ZNF823: variants seen among roughly 807,000 people sequenced by gnomAD.
ZNF823 encodes zinc finger protein 823.
ZNF823 carries 5 observed loss-of-function variants against 11.4 expected under a neutral mutation model. The ratio of observed to expected loss-of-function variants is 0.44; its 90% CI spans 0.23 to 0.92. The LOEUF (loss-of-function observed/expected upper bound fraction) is 0.92, where lower values mean the gene tolerates loss of function less well. Ranked by LOEUF, ZNF823 falls within the 40% of genes least tolerant of loss-of-function variation. The pLI, the probability that ZNF823 is intolerant of heterozygous loss-of-function variation, is 0.24. For missense variants in ZNF823, 582 were observed against 738.5 expected (o/e 0.79, Z 2.46); for synonymous variants, 234 against 250.5 (o/e 0.93, Z 0.62).
intron 1 of ZNF823, among the ~76,000 whole-genome samples, chr19:11,736,700 A>G (rs1250265684): frequency 6.6e-6 from 1 of 152,250 alleles, no homozygotes; most frequent in Non-Finnish European, 1.5e-5. Context: ...AATCTTTTCA[A>G]GATGACAAAT....
chr19:11,738,611 G>A (rs867314139), intron 1 of ZNF823, among the ~76,000 whole-genome samples: 1 of 152,248 alleles, frequency 6.6e-6, no homozygotes. Context: ...GGCCGAGCAG[G>A]GACGGGACAG....
rs1974674602 is a variant in ZNF823 at position 11,721,372 on chromosome 19, T to C, written c.*329A>G. 4.9e-6 allele frequency: 1 copy of C among 203,444 alleles called. No homozygotes were observed. Among genetic ancestry groups the C allele is most frequent in the African/African-American group, 2.3e-5 (1 of 42,980 alleles). 12.6% of individuals were successfully genotyped at this position (203,444 alleles called of 1,614,324 possible). On this transcript the variant is annotated 3_prime_UTR_variant, in exon 4 of 4. Coordinates refer to ENST00000341191, the MANE Select transcript of ZNF823 (RefSeq NM_001080493.4). ...GTAGAGACTATTTTTCTTGTCATGATTCTCTAAACAATACAATCAAACAAC... is the reference window on the plus strand; with the variant it reads ...GTAGAGACTATTTTTCTTGTCATGACTCTCTAAACAATACAATCAAACAAC...
chr19:11,721,955 A>G lies in ZNF823; in HGVS notation c.1579T>C (p.Tyr527His), dbSNP rs1475182044. Reference sequence around the variant, plus strand: ...GCTTTTCCACATTCCTTACATTCATATGGCTTCTCTCCAGAGTGAATCCTT... The same window carrying G: ...GCTTTTCCACATTCCTTACATTCATGTGGCTTCTCTCCAGAGTGAATCCTT... ...HERIHSGEKPYECKECGKAFS... is the reference protein window; with the variant it reads ...HERIHSGEKPHECKECGKAFS... Residue 527 changes from tyrosine to histidine, a missense_variant, in exon 4 of 4, where the codon TAT becomes CAT. Physicochemically the swap from Tyr to His is moderately conservative, Grantham distance 83 (BLOSUM62 2). Transcript: ENST00000341191. 4 of 1,613,986 alleles carry G rather than the reference A, an allele frequency of 2.5e-6. No homozygotes were observed. The highest frequency in any genetic ancestry group is 3.4e-6 in the Non-Finnish European group (4 of 1,180,024).
At chr19:11,729,298 A>T (rs1974852151) in intron 1 of ZNF823, among the ~76,000 whole-genome samples, 1 of 152,214 alleles carries the variant, frequency 6.6e-6, no homozygotes, top group South Asian at 2.1e-4. Context: ...TTCTAGCCCT[A>T]ATCAAAAGAA....
At position 11,723,161 on chromosome 19, in the gene ZNF823, A is replaced by G. The variant is rs761653457; in HGVS notation, c.373T>C (p.Ser125Pro). Reference protein sequence around the residue: ...CNIRVDTGHKSCEHQEYGEKP... With the variant: ...CNIRVDTGHKPCEHQEYGEKP... ...TCTCCATATTCCTGATGCTCACATG[A>G]TTTGTGTCCAGTGTCAACTCTGATG... is the stretch of plus-strand genomic sequence containing the variant. Residue 125 changes from serine to proline, a missense_variant, in exon 4 of 4, where the codon TCA becomes CCA. This residue lies in a region of ZNF823 where 429 missense variants were observed against 553.7 expected (regional missense o/e 0.77). Coordinates refer to ENST00000341191, the MANE Select transcript of ZNF823 (RefSeq NM_001080493.4). 21 of 1,613,968 alleles carry G rather than the reference A, an allele frequency of 1.3e-5. No homozygotes were observed. The highest frequency in any genetic ancestry group is 1.8e-5 in the Non-Finnish European group (21 of 1,180,034).
chr19:11,732,694 A>G (rs757494550), intron 1 of ZNF823, among the ~76,000 whole-genome samples: 39 of 151,858 alleles, frequency 2.6e-4, no homozygotes, highest in Non-Finnish European at 5.0e-4. Flanking sequence ...CGGCCTCCCA[A>G]TGTGCTGGGA....
At chr19:11,728,572 T>C (rs1974837756) in intron 1 of ZNF823, among the ~76,000 whole-genome samples, 1 of 152,172 alleles carries the variant, frequency 6.6e-6, no homozygotes, top group Non-Finnish European at 1.5e-5. Flanking sequence ...CCAAAGCCAG[T>C]ATAGCATTAT....
intron 1 of ZNF823, among the ~76,000 whole-genome samples, chr19:11,733,511 G>A (rs919184502): frequency 1.3e-5 from 2 of 151,906 alleles, no homozygotes; most frequent in Non-Finnish European, 2.9e-5. Flanking sequence ...GATCAGCCTG[G>A]GCAACATGGC....
intron 2 of ZNF823, 119 bp downstream of exon 2, chr19:11,725,082 C>A: frequency 1.5e-6 from 2 of 1,346,672 alleles, no homozygotes; most frequent in Non-Finnish European, 2.0e-6. Flanking sequence ...CACCTCTAAA[C>A]CCTGTGTTGT....
Position 11,727,962 on chromosome 19 carries a change from C to T in ZNF823, c.4-2635G>A, listed in dbSNP as rs867815271. 1.5e-4 allele frequency among the ~76,000 whole-genome samples: 15 copies of T among 99,332 alleles called. No individual in the cohort carries two copies. The South Asian group carries it at 2.0e-3, about 13-fold the overall frequency. 65.2% of individuals were successfully genotyped at this position (99,332 alleles called of 152,430 possible). ...GAGTTCAGTGTCTCGCTGCAAGCTCCGCCTCCTGGGTTCACGCCATTCTCC... is the reference window on the plus strand; with the variant it reads ...GAGTTCAGTGTCTCGCTGCAAGCTCTGCCTCCTGGGTTCACGCCATTCTCC... On this transcript the variant is annotated intron_variant, in intron 1 of 3. Transcript: ENST00000341191.
intron 2 of ZNF823, among the ~76,000 whole-genome samples, chr19:11,724,469 C>G (rs576771019): frequency 4.7e-4 from 71 of 152,212 alleles, no homozygotes; most frequent in African/African-American, 1.7e-3. Flanking sequence ...TCCCCTTCCT[C>G]AGCCCACTCA....
intron 1 of ZNF823, among the ~76,000 whole-genome samples, chr19:11,729,587 C>A (rs1398558418): frequency 6.6e-6 from 1 of 152,160 alleles, no homozygotes; most frequent in African/African-American, 2.4e-5. Flanking sequence ...TACATAGTTT[C>A]TGTTATTTCT....
chr19:11,725,379 G>C (rs1974772401), intron 1 of ZNF823, 52 bp from the exon 2 acceptor site: 1 of 1,606,394 alleles, frequency 6.2e-7, no homozygotes, highest in African/African-American at 1.3e-5. Flanking sequence ...ACAGCACTGA[G>C]AATCCATACT....
At chr19:11,726,475 G>A (rs1041083321) in intron 1 of ZNF823, among the ~76,000 whole-genome samples, 2 of 146,072 alleles carry the variant, frequency 1.4e-5, no homozygotes, top group African/African-American at 5.4e-5. Flanking sequence ...GAAATGTGGG[G>A]CTTTAAGACT....
intron 1 of ZNF823, among the ~76,000 whole-genome samples, chr19:11,727,824 G>C (rs1974819341): frequency 6.6e-6 from 1 of 151,952 alleles, no homozygotes; most frequent in South Asian, 2.1e-4. Flanking sequence ...GCAAATTATT[G>C]CCTTTGTATT....
chr19:11,732,584 C>A (rs7260501), intron 1 of ZNF823, among the ~76,000 whole-genome samples: 40,800 of 148,716 alleles, frequency 0.27, 5,665 homozygotes, highest in South Asian at 0.36. Flanking sequence ...CAGGCGTGAG[C>A]CACCGCGCCC....
At chr19:11,727,297 T>G (rs1599703544) in intron 1 of ZNF823, among the ~76,000 whole-genome samples, 1 of 151,886 alleles carries the variant, frequency 6.6e-6, no homozygotes, top group Non-Finnish European at 1.5e-5. Context: ...GATCAAAAGG[T>G]CAGGAGATCG....
In ZNF823 at chr19:11,723,269, T is replaced by A; in HGVS notation, c.265A>T (p.Asn89Tyr). 6.2e-7 allele frequency: 1 copy of A among 1,614,052 alleles called. No individual in the cohort carries two copies. Among genetic ancestry groups the A allele is most frequent in the Non-Finnish European group, 8.5e-7 (1 of 1,179,906 alleles). ...TFGQIPDSIV[N>Y]KNTPRVNPCD... ...GGATTTACTCGAGGAGTGTTCTTGT[T>A]CACAATACTATCTGGAATCTGGCCA... The change falls in exon 4 of 4, where the codon AAC (asparagine) becomes TAC (tyrosine). Residue 89 changes from asparagine (N) to tyrosine (Y), a missense_variant. Physicochemically the swap from Asn to Tyr is moderately radical, Grantham distance 143. Coordinates refer to ENST00000341191, the MANE Select transcript of ZNF823 (RefSeq NM_001080493.4).
At chr19:11,734,522 A>G (rs756460173) in intron 1 of ZNF823, among the ~76,000 whole-genome samples, 6 of 152,124 alleles carry the variant, frequency 3.9e-5, no homozygotes, top group Non-Finnish European at 5.9e-5. Flanking sequence ...ACTCAGTCTG[A>G]GCCAGCACAC....
Sources: allele counts gnomAD v4.1 joint callset (sites outside exome capture counted in the v4.1 genomes callset), GRCh38; gene constraint gnomAD v4.1.1; regional missense constraint gnomAD v4.1.1; transcripts MANE v1.5; gene names NCBI Gene and HGNC (gene_info 2026-07-23, HGNC 2026-07-21).